The following HGF variants were observed in gnomAD, a reference collection of about 807,000 sequenced individuals.
HGF encodes hepatocyte growth factor, also known as fibroblast-derived tumor cytotoxic factor.
Under a neutral mutation model 111.6 loss-of-function variants are expected in HGF, and 39 were observed. The observed-to-expected ratio is 0.35, with a 90% CI of 0.27 to 0.46. The LOEUF (loss-of-function observed/expected upper bound fraction) is 0.46. Among genes scored for constraint, HGF ranks in the 20% least tolerant of loss-of-function variants. The pLI is 1.00. For missense variants in HGF, 735 were observed against 910.5 expected, an observed-to-expected ratio of 0.81 and a Z score of 2.48; for synonymous variants, 285 against 294.8, an observed-to-expected ratio of 0.97 and a Z score of 0.34.
intron 6 of HGF, among the ~76,000 whole-genome samples, chr7:81,744,117 CAA>C (rs747870517): frequency 1.3e-5 from 2 of 151,790 alleles, no homozygotes; most frequent in Non-Finnish European, 2.9e-5. Flanking sequence ...TAACACCAAA[CAA>C]AAAAGAATAG....
At chr7:81,710,290 T>C (rs1583920749) in intron 12 of HGF, 47 bp from the exon 13 acceptor site, 1 of 1,214,306 alleles carries the variant, frequency 8.2e-7, no homozygotes, top group East Asian at 2.3e-5. Flanking sequence ...GAATTTGAAA[T>C]AATCAGTGCC....
chr7:81,702,554 TG>T lies in HGF; in HGVS notation c.*26del. 1 of 1,567,108 alleles carries T rather than the reference TG, an allele frequency of 6.4e-7. No homozygotes were observed. Among genetic ancestry groups the T allele is most frequent in the Non-Finnish European group, 8.8e-7 (1 of 1,138,072 alleles). On this transcript the variant is annotated 3_prime_UTR_variant, in exon 18 of 18. Transcript: ENST00000222390. ...TTCATGTAAAAGACAGTTGTATTGG[TG>T]GGTGCTTCAGACACACTTACTTCAG...
intron 9 of HGF, among the ~76,000 whole-genome samples, chr7:81,724,907 C>T (rs1024005290): frequency 8.6e-5 from 13 of 152,038 alleles, no homozygotes; most frequent in South Asian, 2.1e-4. Context: ...ATTTTACTAC[C>T]GCTCCCTGAG....
intron 9 of HGF, among the ~76,000 whole-genome samples, chr7:81,724,941 T>C (rs1789966809): frequency 6.6e-6 from 1 of 152,196 alleles, no homozygotes; most frequent in Admixed American, 6.5e-5. Context: ...ATGGCATCTA[T>C]GTTTCCAAAT....
intron 2 of HGF, among the ~76,000 whole-genome samples, chr7:81,759,158 T>A (rs1788936922): frequency 6.6e-6 from 1 of 152,184 alleles, no homozygotes; most frequent in Non-Finnish European, 1.5e-5. Flanking sequence ...TTCTGTAACT[T>A]CACAGAAAGT....
intron 11 of HGF, among the ~76,000 whole-genome samples, chr7:81,715,291 T>TA (rs1263382827): frequency 6.6e-6 from 1 of 152,090 alleles, no homozygotes; most frequent in African/African-American, 2.4e-5. Flanking sequence ...GTCTTAACCA[T>TA]AGAGACTTAA....
rs114569615 is a variant in HGF, at chr7:81,760,971, G to A, written c.254+1736C>T. On this transcript the variant is annotated intron_variant, in intron 2 of 17. Coordinates refer to ENST00000222390, the MANE Select transcript of HGF (RefSeq NM_000601.6). Reference sequence around the variant, plus strand: ...CAAAAGGAAAGTTTTTCTTTCCTAAGTATACGGTTGACTAATGTGAAAATT... The same window carrying A: ...CAAAAGGAAAGTTTTTCTTTCCTAAATATACGGTTGACTAATGTGAAAATT... 7.1e-3 allele frequency among the ~76,000 whole-genome samples: 1,082 copies of A among 152,186 alleles called. 6 individuals carry two copies. The highest frequency in any genetic ancestry group is 0.025 in the African/African-American group (1,037 of 41,522).
chr7:81,706,483 T>C (rs1429077481), intron 14 of HGF, 56 bp from the exon 15 acceptor site: 3 of 1,356,392 alleles, frequency 2.2e-6, no homozygotes, highest in East Asian at 4.6e-5. Context: ...AATTCTGTAG[T>C]ATTATTCCTA....
At chr7:81,756,977 G>A (rs1788804863) in intron 4 of HGF, 1 of 589,670 alleles carries the variant, frequency 1.7e-6, no homozygotes, top group South Asian at 2.1e-5. Flanking sequence ...GAGGCATTAA[G>A]GTAAGATATT....
At chr7:81,736,894 G>GGTGTGTGTGTGTGTGT (rs368271908) in intron 7 of HGF, among the ~76,000 whole-genome samples, 1,780 of 142,000 alleles carry the variant, frequency 0.013, 25 homozygotes, top group Middle Eastern at 0.035. Context: ...TGTGTAGAGG[G>GGTGTGTGTGTGTGTGT]GTGTGTGTGT....
At position 81,702,466 on chromosome 7, in the gene HGF, C is replaced by T. The variant is rs1789306558; in HGVS notation, c.*115G>A. On this transcript the variant is annotated 3_prime_UTR_variant, in exon 18 of 18. Coordinates refer to ENST00000222390, the MANE Select transcript of HGF (RefSeq NM_000601.6). ...TTAATGAGAATTTCAACAAACATGA[C>T]TCTCCAGTAGTTGTCTTAGGATTGT... 3 of 806,906 alleles carry T rather than the reference C, an allele frequency of 3.7e-6. 1 individual carries two copies. In the South Asian group the frequency reaches 4.8e-5, roughly 13 times the overall value. 50.0% of individuals were successfully genotyped at this position (806,906 alleles called of 1,614,324 possible). A position where few individuals can be genotyped will look rare whatever the true frequency, so the allele number is the denominator to read the frequency against.
chr7:81,717,251 A>C lies in HGF; in HGVS notation c.1386T>G (p.Asp462Glu). ...CYTGNPLIPW[D>E]YCPISRCEGD... ...ACTTACAACGAGAAATAGGGCAATAATCCCAAGGAATGAGTGGATTTCCCG... is the reference window on the plus strand; with the variant it reads ...ACTTACAACGAGAAATAGGGCAATACTCCCAAGGAATGAGTGGATTTCCCG... The change falls in exon 11 of 18, where the codon GAT (aspartate) becomes GAG (glutamate). Residue 462 changes from aspartate to glutamate, a missense_variant. By Grantham distance (45) the Asp-to-Glu change is conservative. Around this residue, in one of 3 missense-constraint regions of HGF, gnomAD observed 553 missense variants for 685.6 expected, o/e 0.81. Transcript: ENST00000222390. 6.2e-7 allele frequency: 1 copy of C among 1,613,758 alleles called. No homozygotes were observed. The highest frequency in any genetic ancestry group is 8.5e-7 in the Non-Finnish European group (1 of 1,179,686).
intron 7 of HGF, among the ~76,000 whole-genome samples, chr7:81,739,603 A>G (rs1209852331): frequency 6.6e-6 from 1 of 152,136 alleles, no homozygotes. Flanking sequence ...AAATTCAGGT[A>G]AAGTAGGAAA....
In HGF at chr7:81,705,525, A is replaced by G. The variant is rs2115762354; in HGVS notation, c.1875T>C (p.Tyr625=). Residue 625 remains tyrosine (Y), a synonymous_variant, in exon 17 of 18, where the codon TAT becomes TAC. Coordinates refer to ENST00000222390, the MANE Select transcript of HGF (RefSeq NM_000601.6). ...YGWGYTGLIN[Y]DGLLRVAHLY... ...GATGTGCCACTCGTAATAGGCCATCATAGTTGATCACTAGATTGATGCAAA... is the reference window on the plus strand; with the variant it reads ...GATGTGCCACTCGTAATAGGCCATCGTAGTTGATCACTAGATTGATGCAAA... 6.2e-7 allele frequency: 1 copy of G among 1,612,634 alleles called. No homozygotes were observed. Among genetic ancestry groups the G allele is most frequent in the Non-Finnish European group, 8.5e-7 (1 of 1,179,006 alleles).
chr7:81,761,393 C>T (rs1161352171), intron 2 of HGF, among the ~76,000 whole-genome samples: 1 of 152,132 alleles, frequency 6.6e-6, no homozygotes, highest in Non-Finnish European at 1.5e-5. Flanking sequence ...TCTGACCATG[C>T]TCTTCCTCTC....
intron 4 of HGF, chr7:81,755,672 T>C (rs900184163): frequency 4.5e-6 from 1 of 223,184 alleles, no homozygotes; most frequent in African/African-American, 2.3e-5. Context: ...TAGATCCATC[T>C]ACTTAAATAA....
intron 17 of HGF, 27 bp from the exon 18 acceptor site, chr7:81,702,784 G>A (rs1336645200): frequency 6.3e-7 from 1 of 1,583,754 alleles, no homozygotes; most frequent in Non-Finnish European, 8.7e-7. Flanking sequence ...CAAAAACAAA[G>A]TATTATTAGG....
At chr7:81,731,495 G>A (rs940393455) in intron 7 of HGF, among the ~76,000 whole-genome samples, 1 of 152,060 alleles carries the variant, frequency 6.6e-6, no homozygotes, top group Non-Finnish European at 1.5e-5. Context: ...TTGGACTTGG[G>A]GAAATGGCTT....
At chr7:81,719,574 C>T (rs758126346) in intron 10 of HGF, among the ~76,000 whole-genome samples, 73 of 152,196 alleles carry the variant, frequency 4.8e-4, no homozygotes, top group Non-Finnish European at 8.5e-4. Context: ...GTATTAAATA[C>T]ATATTGAAAT....
Sources: allele counts gnomAD v4.1 joint callset (sites outside exome capture counted in the v4.1 genomes callset), GRCh38; gene constraint gnomAD v4.1.1; regional missense constraint gnomAD v4.1.1; transcripts MANE v1.5; gene names NCBI Gene and HGNC (gene_info 2026-07-23, HGNC 2026-07-21).